The following USF3 variants were observed in gnomAD, a reference collection of about 807,000 sequenced individuals.
USF3 encodes the protein basic helix-loop-helix domain-containing protein USF3.
A neutral mutation model predicts 157.5 loss-of-function variants in USF3; 29 were observed. The ratio of observed to expected loss-of-function variants is 0.18; its 90% confidence interval spans 0.14 to 0.25. The LOEUF (loss-of-function observed/expected upper bound fraction) is 0.25. Among genes scored for constraint, USF3 ranks in the 10% least tolerant of loss-of-function variants. The pLI, the probability that USF3 is intolerant of heterozygous loss-of-function variation, is 1.00. For synonymous variants in USF3, 893 were observed against 941.4 expected, an observed-to-expected ratio of 0.95 and a Z score of 0.94; for missense variants, 2,381 against 2,667.6, an observed-to-expected ratio of 0.89 and a Z score of 2.37.
At chr3:113,686,067 T>C (rs1707539077) in intron 1 of USF3, among the ~76,000 whole-genome samples, 1 of 152,200 alleles carries the variant, frequency 6.6e-6, no homozygotes. Flanking sequence ...GCACTAGGAC[T>C]TGCACAGGAA....
chr3:113,664,477 A>C, intron 5 of USF3, 68 bp from the exon 6 acceptor site: 2 of 802,024 alleles, frequency 2.5e-6, no homozygotes, highest in Non-Finnish European at 4.1e-6. Flanking sequence ...ATGAAACTTT[A>C]AGCTTTGTCT....
intron 6 of USF3, 29 bp from the exon 7 acceptor site, chr3:113,661,454 A>C (rs762307272): frequency 7.9e-7 from 1 of 1,261,140 alleles, no homozygotes; most frequent in Non-Finnish European, 1.1e-6. Flanking sequence ...AAATTTATAA[A>C]TACCTGAGAA....
intron 1 of USF3, among the ~76,000 whole-genome samples, chr3:113,690,994 C>T (rs1454092125): frequency 1.3e-5 from 2 of 152,046 alleles, no homozygotes; most frequent in East Asian, 1.9e-4. Context: ...TTGAGACCAG[C>T]CTGGGAAACA....
chr3:113,656,063 ACT>A lies in USF3; in HGVS notation c.5617_5618del (p.Gln1874GlufsTer2). On this transcript the variant is annotated frameshift_variant, in exon 7 of 7. Transcript: ENST00000316407. LOFTEE classifies it high-confidence loss of function. Reference protein sequence around the residue: ...ENVHIRRESESQNRESCDMSL... With the variant: ...ENVHIRRESEXQNRESCDMSL... ...ACATGTCACAACTTTCCCTATTCTG[ACT>A]CTCACTCTCTCTTCTAATATGGACA... is the stretch of plus-strand genomic sequence containing the variant. 1 of 1,613,968 alleles carries A rather than the reference ACT, an allele frequency of 6.2e-7. No homozygotes were observed. Among genetic ancestry groups the A allele is most frequent in the Non-Finnish European group, 8.5e-7 (1 of 1,179,976 alleles).
chr3:113,656,918 A>G lies in USF3; in HGVS notation c.4764T>C (p.His1588=). 1 of 1,614,098 alleles carries G rather than the reference A, an allele frequency of 6.2e-7. No individual in the cohort carries two copies. Among genetic ancestry groups the G allele is most frequent in the Non-Finnish European group, 8.5e-7 (1 of 1,180,014 alleles). Reference sequence around the variant, plus strand: ...TGAGATGGTTCTGGGGATGGTTATGATGGTTCCGACTAGTTGAAGGGTTTT... The same window carrying G: ...TGAGATGGTTCTGGGGATGGTTATGGTGGTTCCGACTAGTTGAAGGGTTTT... ...SCENPSTSRN[H]HNHPQNHLNQ... is the part of the protein sequence containing the mutation. Residue 1588 remains histidine (H), a synonymous_variant, in exon 7 of 7, where the codon CAT becomes CAC. Transcript: ENST00000316407.
rs536179209 is a variant in USF3 at position 113,657,711 on chromosome 3, C to T, written c.3971G>A (p.Arg1324His). 7.1e-5 allele frequency: 115 copies of T among 1,614,132 alleles called. 1 individual carries two copies. In the South Asian group the frequency reaches 9.4e-4, roughly 13 times the overall value. ...EPLLKPSHES[R>H]KDSAKRAVQD... ...GACAGCACGCTTAGCAGAATCCTTA[C>T]GGCTTTCATGGCTTGGCTTTAAGAG... The change falls in exon 7 of 7, where the codon CGT becomes CAT. Residue 1324 changes from arginine (R) to histidine (H), a missense_variant. Transcript: ENST00000316407.
chr3:113,670,549 G>A (rs1204879289), intron 4 of USF3, among the ~76,000 whole-genome samples: 1 of 151,876 alleles, frequency 6.6e-6, no homozygotes. Flanking sequence ...GCAGTGCGCT[G>A]AGATCATGCT....
At chr3:113,667,364 C>T (rs1016540618) in intron 5 of USF3, among the ~76,000 whole-genome samples, 1 of 152,156 alleles carries the variant, frequency 6.6e-6, no homozygotes, top group East Asian at 1.9e-4. Flanking sequence ...TCTAGAACAC[C>T]AAGGAAGTAA....
rs1463376522 is a variant in USF3, at chr3:113,664,343, G to A, written c.226C>T (p.Leu76Phe). Residue 76 changes from leucine to phenylalanine, a missense_variant, in exon 6 of 7, where the codon CTC becomes TTC. Transcript: ENST00000316407. ...ITELKRQNDE[L>F]LLNGGNNEQA... ...TCATTGTTTCCTCCATTAAGCAGGAGTTCATCATTTTGCCTTTTCAATTCT... is the reference window on the plus strand; with the variant it reads ...TCATTGTTTCCTCCATTAAGCAGGAATTCATCATTTTGCCTTTTCAATTCT... 1 of 1,606,620 alleles carries A rather than the reference G, an allele frequency of 6.2e-7. No homozygotes were observed. The highest frequency in any genetic ancestry group is 1.7e-5 in the Admixed American group (1 of 59,788).
chr3:113,684,560 CTGAG>C lies in USF3; in HGVS notation c.-134-7167_-134-7164del, dbSNP rs533304440. On this transcript the variant is annotated intron_variant, in intron 1 of 6. Coordinates refer to ENST00000316407, the MANE Select transcript of USF3 (RefSeq NM_001009899.4). ...TCATATTTTTTTTCTTTTGCCTCCTCTGAGTATTTTCATATAGCCTGTCTTCAAG... is the reference window on the plus strand; with the variant it reads ...TCATATTTTTTTTCTTTTGCCTCCTCTATTTTCATATAGCCTGTCTTCAAG... Among the ~76,000 whole-genome samples the C allele has an allele frequency of 2.1e-3, 314 of 152,224 alleles. 3 individuals are homozygous for C. The highest frequency in any genetic ancestry group is 7.1e-3 in the African/African-American group (295 of 41,540).
At position 113,660,444 on chromosome 3, in the gene USF3, T is replaced by G; in HGVS notation, c.1238A>C (p.Asp413Ala). The G allele has an allele frequency of 3.7e-6, 6 of 1,614,190 alleles. No homozygotes were observed. The highest frequency in any genetic ancestry group is 5.1e-6 in the Non-Finnish European group (6 of 1,180,030). Residue 413 changes from aspartate to alanine, a missense_variant, in exon 7 of 7, where the codon GAT becomes GCT. By Grantham distance (126) the Asp-to-Ala change is moderately radical. Transcript: ENST00000316407. ...SLPSSSVSTSDLKNINSLTRI... is the reference protein window; with the variant it reads ...SLPSSSVSTSALKNINSLTRI... ...TGTAAGGCTATTAATGTTTTTCAAA[T>G]CTGAAGTACTAACACTTGAAGAAGG...
At chr3:113,673,472 AATTT>A (rs1707209635) in intron 3 of USF3, 96 bp from the exon 4 acceptor site, 6 of 744,460 alleles carry the variant, frequency 8.1e-6, no homozygotes, top group Non-Finnish European at 1.4e-5. Flanking sequence ...AAATTTTATG[AATTT>A]GTATTTGTTG....
At position 113,660,746 on chromosome 3, in the gene USF3, A is replaced by C. The variant is rs749632803; in HGVS notation, c.936T>G (p.Thr312=). ...NIPHSSSATA[T]KVHHGNKSCL... is the part of the protein sequence containing the mutation. ...AGGACTTGTTTCCATGGTGCACTTT[A>C]GTGGCAGTTGCTGAGGAGCTGTGGG... is the stretch of plus-strand genomic sequence containing the variant. Residue 312 remains threonine (T), a synonymous_variant, in exon 7 of 7, where the codon ACT becomes ACG. Transcript: ENST00000316407. The C allele has an allele frequency of 3.5e-5, 56 of 1,614,072 alleles. No individual in the cohort carries two copies. Among genetic ancestry groups the C allele is most frequent in the Non-Finnish European group, 3.6e-5 (43 of 1,180,024 alleles).
chr3:113,689,034 A>AAAACAAAG (rs1707625180), intron 1 of USF3, among the ~76,000 whole-genome samples: 1 of 150,160 alleles, frequency 6.7e-6, no homozygotes, highest in Non-Finnish European at 1.5e-5. Context: ...CCATCTCAAA[A>AAAACAAAG]AAACAAACAA....
chr3:113,675,150 A>G lies in USF3; in HGVS notation c.-18-254T>C, dbSNP rs532305744. Among the ~76,000 whole-genome samples, 3 of 152,310 alleles carry G rather than the reference A, an allele frequency of 2.0e-5. No individual in the cohort carries two copies. The South Asian group carries it at 6.2e-4, about 32-fold the overall frequency. On this transcript the variant is annotated intron_variant, in intron 2 of 6. Coordinates refer to ENST00000316407, the MANE Select transcript of USF3 (RefSeq NM_001009899.4). Reference sequence around the variant, plus strand: ...AACTGCTTGAGAAAATTTGAGTAGAAAAAGATCACTGCAGGCTTGGAAATC... The same window carrying G: ...AACTGCTTGAGAAAATTTGAGTAGAGAAAGATCACTGCAGGCTTGGAAATC...
At position 113,658,431 on chromosome 3, in the gene USF3, G is replaced by A. The variant is rs1197315173; in HGVS notation, c.3251C>T (p.Ala1084Val). 1 of 1,613,936 alleles carries A rather than the reference G, an allele frequency of 6.2e-7. No homozygotes were observed. Among genetic ancestry groups the A allele is most frequent in the Non-Finnish European group, 8.5e-7 (1 of 1,180,020 alleles). The change falls in exon 7 of 7, where the codon GCC (alanine) becomes GTC (valine). Residue 1084 changes from alanine (A) to valine (V), a missense_variant. Ala to Val is a moderately conservative substitution (Grantham distance 64). Around this residue, in one of 6 missense-constraint regions of USF3, gnomAD observed 1,435 missense variants for 1,550.9 expected, o/e 0.93. Transcript: ENST00000316407. Reference sequence around the variant, plus strand: ...AGAGCTGGTTGACATGGGAGAGTCGGCCTGTCTACCGTTGATCAAAGAACC... The same window carrying A: ...AGAGCTGGTTGACATGGGAGAGTCGACCTGTCTACCGTTGATCAAAGAACC... ...INGSLINGRQADSPMSTSSGS... is the reference protein window; with the variant it reads ...INGSLINGRQVDSPMSTSSGS...
At position 113,650,427 on chromosome 3, in the gene USF3, A is replaced by G. The variant is rs1947240755; in HGVS notation, c.*4517T>C. The G allele has an allele frequency of 6.6e-6, 1 of 152,312 alleles. No homozygotes were observed. Among genetic ancestry groups the G allele is most frequent in the African/African-American group, 2.4e-5 (1 of 41,462 alleles). 9.4% of individuals were successfully genotyped at this position (152,312 alleles called of 1,614,324 possible). A position where few individuals can be genotyped will look rare whatever the true frequency, so the allele number is the denominator to read the frequency against. On this transcript the variant is annotated 3_prime_UTR_variant, in exon 7 of 7. Coordinates refer to ENST00000316407, the MANE Select transcript of USF3 (RefSeq NM_001009899.4). ...ACACTGATCCATACATGGTGGGCCC[A>G]ATAAATGTTTCAAGGCAAAGGAGTA...
In USF3 at chr3:113,664,302, T is replaced by C. The variant is rs752400829; in HGVS notation, c.256+11A>G. The stretch of plus-strand genomic sequence containing the variant: ...AAATACAACAAAAAGTAAGAACTTT[T>C]AAATCTTTACCTTGTTCATTGTTTC... On this transcript the variant is annotated intron_variant, in intron 6 of 6. Transcript: ENST00000316407. 5 of 1,520,474 alleles carry C rather than the reference T, an allele frequency of 3.3e-6. No individual in the cohort carries two copies. The highest frequency in any genetic ancestry group is 4.5e-6 in the Non-Finnish European group (5 of 1,109,856). The allele number at this position is 1,520,474 out of a possible 1,614,324, so 94.2% of individuals were successfully genotyped here. A position where few individuals can be genotyped will look rare whatever the true frequency, so the allele number is the denominator to read the frequency against.
chr3:113,656,507 C>A lies in USF3; in HGVS notation c.5175G>T (p.Val1725=). 6.2e-7 allele frequency: 1 copy of A among 1,614,138 alleles called. No individual in the cohort carries two copies. The highest frequency in any genetic ancestry group is 1.1e-5 in the South Asian group (1 of 91,074). ...AATCAGAAAGGCGGATATCTGAGGC[C>A]ACAGTATGGTCCACACGACCCTGCA... ...HNMQGRVDHT[V]ASDIRLSDCQ... The change falls in exon 7 of 7, where the codon GTG becomes GTT. Residue 1725 remains valine (V), a synonymous_variant. Transcript: ENST00000316407.
Sources: allele counts gnomAD v4.1 joint callset (sites outside exome capture counted in the v4.1 genomes callset), GRCh38; gene constraint gnomAD v4.1.1; regional missense constraint gnomAD v4.1.1; transcripts MANE v1.5; gene names NCBI Gene and HGNC (gene_info 2026-07-23, HGNC 2026-07-21).